TRIM29: variants seen among roughly 807,000 people sequenced by gnomAD.
TRIM29 encodes tripartite motif containing 29.
In TRIM29, 52 loss-of-function variants were observed where a neutral mutation model predicts 57.3. That is an observed-to-expected ratio of 0.91 (90% CI 0.73 to 1.14). TRIM29 has a LOEUF of 1.14. Among genes scored for constraint, TRIM29 ranks in the 50% most tolerant of loss-of-function variants. The pLI, the probability that TRIM29 is intolerant of heterozygous loss-of-function variation, is 0.00. For synonymous variants in TRIM29, 319 were observed against 316.9 expected (o/e 1.01, Z -0.07); for missense variants, 753 against 774.6 (o/e 0.97, Z 0.33).
chr11:120,120,203 C>A (rs1416449670), intron 6 of TRIM29, among the ~76,000 whole-genome samples: 2 of 151,980 alleles, frequency 1.3e-5, no homozygotes, highest in African/African-American at 4.8e-5. Context: ...CACACTTAAG[C>A]CCAAGGTGGC....
chr11:120,116,126 G>T (rs982068100), intron 7 of TRIM29: 2 of 152,352 alleles, frequency 1.3e-5, no homozygotes, highest in Admixed American at 6.5e-5. Context: ...CTAGAGAGGT[G>T]CAGGAATCTG....
chr11:120,117,140 C>T (rs932260855), intron 7 of TRIM29: 3 of 293,492 alleles, frequency 1.0e-5, no homozygotes, highest in Admixed American at 4.5e-5. Flanking sequence ...CTGGGGGCTG[C>T]TCTGAATCAC....
chr11:120,122,131 A>AGAGTGT (rs1555050280), intron 5 of TRIM29: 2 of 203,934 alleles, frequency 9.8e-6, no homozygotes, highest in Non-Finnish European at 2.1e-5. Flanking sequence ...TGTGTGTGTG[A>AGAGTGT]GTGTGTGTGT....
intron 5 of TRIM29, chr11:120,122,082 G>A: frequency 2.5e-6 from 1 of 395,384 alleles, no homozygotes; most frequent in South Asian, 1.8e-5. Flanking sequence ...GTGCTTTTCT[G>A]TTGAGCTCAT....
chr11:120,126,199 A>T, intron 3 of TRIM29: 1 of 273,888 alleles, frequency 3.7e-6, no homozygotes. Flanking sequence ...GAACACACTA[A>T]AGAAATGCAA....
Position 120,112,437 on chromosome 11 carries a change from TC to T in TRIM29, c.1743del (p.Ile582LeufsTer31). 1 of 1,613,388 alleles carries T rather than the reference TC, an allele frequency of 6.2e-7. No homozygotes were observed. Among genetic ancestry groups the T allele is most frequent in the Non-Finnish European group, 8.5e-7 (1 of 1,179,762 alleles). On this transcript the variant is annotated frameshift_variant, in exon 9 of 9. Transcript: ENST00000341846. LOFTEE classifies it high-confidence loss of function. ...GCTCATGGGGCTTCGTTGGACCCAA[TC>T]CCGTTGCCTTTGTTGACGTAGAATG... Reference protein sequence around the residue: ...YRPFYVNKGNGIGSNEAP With the variant: ...YRPFYVNKGNXIGSNEAP
Position 120,125,941 on chromosome 11 carries a change from G to A in TRIM29, c.1135-52C>T, listed in dbSNP as rs1266696826. 8 of 1,567,866 alleles carry A rather than the reference G, an allele frequency of 5.1e-6. No homozygotes were observed. The Admixed American group carries it at 8.5e-5, about 17-fold the overall frequency. ...CTGCCTGGGTCTTCATGAGCTATGA[G>A]GACGCTTCTCTGCCAGGGGCTCTCA... On this transcript the variant is annotated intron_variant, in intron 3 of 8. Transcript: ENST00000341846.
chr11:120,133,529 G>GC (rs1314598794), intron 1 of TRIM29, among the ~76,000 whole-genome samples: 1 of 151,890 alleles, frequency 6.6e-6, no homozygotes, highest in African/African-American at 2.4e-5. Context: ...ACCCAGAGAG[G>GC]CCCCCCTACC....
intron 1 of TRIM29, among the ~76,000 whole-genome samples, chr11:120,130,378 C>T (rs1184033672): frequency 6.6e-6 from 1 of 152,204 alleles, no homozygotes; most frequent in African/African-American, 2.4e-5. Flanking sequence ...ACCCCGAGGA[C>T]AAGGTCTGAT....
chr11:120,128,964 G>T, intron 1 of TRIM29: 1 of 1,302,744 alleles, frequency 7.7e-7, no homozygotes, highest in Non-Finnish European at 9.9e-7. Context: ...GGGCTGTGTT[G>T]CAAGCAGCAG....
At chr11:120,128,812 A>T (rs1863657900) in intron 1 of TRIM29, 1 of 1,527,620 alleles carries the variant, frequency 6.5e-7, no homozygotes, top group African/African-American at 1.4e-5. Flanking sequence ...AGGGAAACTC[A>T]TTTACAGGGT....
At chr11:120,131,955 C>A (rs976248948) in intron 1 of TRIM29, among the ~76,000 whole-genome samples, 1 of 150,666 alleles carries the variant, frequency 6.6e-6, no homozygotes, top group Non-Finnish European at 1.5e-5. Context: ...TCCGACTTCA[C>A]AGGTGTGAAA....
Position 120,123,027 on chromosome 11 carries a change from G to C in TRIM29, c.1362C>G (p.Tyr454Ter), listed in dbSNP as rs759830928. 1 of 1,614,012 alleles carries C rather than the reference G, an allele frequency of 6.2e-7. No homozygotes were observed. The highest frequency in any genetic ancestry group is 8.5e-7 in the Non-Finnish European group (1 of 1,180,024). ...NGGDHRYVNNYTNSFGGEWSA... is the reference protein window; with the variant it reads ...NGGDHRYVNN ...TCCACTCACCCCCGAAGCTGTTCGT[G>C]TAGTTGTTCACATAGCGATGGTCAC... Residue 454 changes from tyrosine (Y) to a stop codon, truncating the protein, a stop_gained, in exon 5 of 9, where the codon TAC becomes TAG. Coordinates refer to ENST00000341846, the MANE Select transcript of TRIM29 (RefSeq NM_012101.4). LOFTEE classifies it high-confidence loss of function.
intron 3 of TRIM29, 92 bp from the exon 4 acceptor site, chr11:120,125,981 G>T: frequency 4.6e-6 from 6 of 1,293,598 alleles, no homozygotes; most frequent in South Asian, 2.8e-5. Context: ...GCAGCTGGGG[G>T]TCTCAGCGCT....
Position 120,137,918 on chromosome 11 carries a change from C to G in TRIM29, c.114G>C (p.Lys38Asn), listed in dbSNP as rs757005227. ...SLENGTKADG[K>N]DAKTTNGHGG... ...CGTGCCCGTTGGTGGTCTTGGCATC[C>G]TTGCCGTCAGCCTTGGTGCCATTCT... Residue 38 changes from lysine to asparagine, a missense_variant, in exon 1 of 9, where the codon AAG becomes AAC. Lys to Asn is a moderately conservative substitution (Grantham distance 94, BLOSUM62 0). Coordinates refer to ENST00000341846, the MANE Select transcript of TRIM29 (RefSeq NM_012101.4). This position sits in a 1 kb window ranked among gnomAD's most constrained non-coding sequence, Gnocchi z 6.2. The G allele has an allele frequency of 6.2e-7, 1 of 1,610,104 alleles. No homozygotes were observed. The highest frequency in any genetic ancestry group is 8.5e-7 in the Non-Finnish European group (1 of 1,180,016).
Position 120,113,245 on chromosome 11 carries a change from G to A in TRIM29, c.1705-769C>T, listed in dbSNP as rs143181018. Among the ~76,000 whole-genome samples, 90 of 152,298 alleles carry A rather than the reference G, an allele frequency of 5.9e-4. No individual in the cohort carries two copies. In the East Asian group the frequency reaches 0.016, roughly 27 times the overall value. ...TTGGTACAGGGAGCATCTCTGGAGA[G>A]AGAGCCCAGTGACAGCTCTCCCAGC... On this transcript the variant is annotated intron_variant, in intron 8 of 8. Coordinates refer to ENST00000341846, the MANE Select transcript of TRIM29 (RefSeq NM_012101.4).
intron 4 of TRIM29, chr11:120,123,444 T>C: frequency 2.2e-6 from 1 of 462,072 alleles, no homozygotes; most frequent in Non-Finnish European, 4.3e-6. Context: ...GAGAAGCAGC[T>C]TGCCCAATGT....
intron 5 of TRIM29, chr11:120,122,072 G>A (rs1011560463): frequency 1.8e-4 from 71 of 404,416 alleles, no homozygotes; most frequent in Non-Finnish European, 3.2e-4. Context: ...GGCGGCACAG[G>A]TGCTTTTCTG....
chr11:120,113,508 G>A, intron 8 of TRIM29: 1 of 408,888 alleles, frequency 2.4e-6, no homozygotes, highest in South Asian at 1.8e-5. Context: ...CCCAATACAG[G>A]AGACATCATT....
Sources: gnomAD v4.1 joint callset for allele counts (sites outside exome capture counted in the v4.1 genomes callset) on GRCh38, gnomAD v4.1.1 for gene constraint, Gnocchi (gnomAD v3.1) non-coding constraint, MANE v1.5 for transcripts, NCBI Gene and HGNC (gene_info 2026-07-23, HGNC 2026-07-21) for gene names.